The following KMT5B variants were observed in gnomAD, a reference collection of about 807,000 sequenced individuals.
The protein encoded by KMT5B is lysine methyltransferase 5B.
KMT5B carries 10 observed loss-of-function variants against 83.2 expected under a neutral mutation model. The ratio of observed to expected loss-of-function variants is 0.12; its 90% confidence interval spans 0.07 to 0.20. KMT5B has a LOEUF of 0.20. Among genes scored for constraint, KMT5B ranks in the 10% least tolerant of loss-of-function variants. The pLI is 1.00. For synonymous variants in KMT5B, 349 were observed against 388.8 expected, an observed-to-expected ratio of 0.90 and a Z score of 1.20; for missense variants, 753 against 1,067.2, an observed-to-expected ratio of 0.71 and a Z score of 4.10.
At chr11:68,195,914 T>C (rs1487404128) in intron 1 of KMT5B, among the ~76,000 whole-genome samples, 1 of 152,224 alleles carries the variant, frequency 6.6e-6, no homozygotes, top group East Asian at 1.9e-4. Context: ...CCCAACACTT[T>C]GGGAGGCCCA....
rs951688852 is a variant in KMT5B, at chr11:68,155,755, G to C, written c.*1933C>G. On this transcript the variant is annotated 3_prime_UTR_variant, in exon 11 of 11. Coordinates refer to ENST00000304363, the MANE Select transcript of KMT5B (RefSeq NM_017635.5). ...CCGGGTGCCTCGGACAGGTGCTCCT[G>C]AGAGGCTGTGTGGGCTGCCCTACTT... is the stretch of plus-strand genomic sequence containing the variant. 1 of 152,320 alleles carries C rather than the reference G, an allele frequency of 6.6e-6. No homozygotes were observed. Among genetic ancestry groups the C allele is most frequent in the African/African-American group, 2.4e-5 (1 of 41,438 alleles). 9.4% of individuals were successfully genotyped at this position (152,320 alleles called of 1,614,324 possible).
chr11:68,212,777 G>A (rs183542761), intron 1 of KMT5B: 287 of 152,356 alleles, frequency 1.9e-3, no homozygotes, highest in Non-Finnish European at 3.1e-3. Flanking sequence ...AGTGGGAGCA[G>A]ATTGGGCGAG....
intron 1 of KMT5B, among the ~76,000 whole-genome samples, chr11:68,205,900 G>C (rs922553306): frequency 6.6e-6 from 1 of 152,140 alleles, no homozygotes; most frequent in Non-Finnish European, 1.5e-5. Flanking sequence ...GATTACAGGC[G>C]TGAGCCACCG....
chr11:68,185,888 T>C lies in KMT5B; in HGVS notation c.201A>G (p.Val67=), dbSNP rs751486150. Residue 67 remains valine (V), a synonymous_variant, in exon 3 of 11, where the codon GTA becomes GTG. Transcript: ENST00000304363. Reference sequence around the variant, plus strand: ...CCTTGGCGGACATTCCAGAGGATGGTACATAGCGACTCTGTCCTTCAAATC... The same window carrying C: ...CCTTGGCGGACATTCCAGAGGATGGCACATAGCGACTCTGTCCTTCAAATC... ...NSGFEGQSRY[V]PSSGMSAKEL... The C allele has an allele frequency of 1.9e-6, 3 of 1,613,280 alleles. No homozygotes were observed. The highest frequency in any genetic ancestry group is 2.5e-6 in the Non-Finnish European group (3 of 1,179,630).
At chr11:68,180,352 G>T (rs530374859) in intron 3 of KMT5B, 152 bp from the exon 4 acceptor site, 2 of 994,284 alleles carry the variant, frequency 2.0e-6, no homozygotes, top group Non-Finnish European at 2.9e-6. Flanking sequence ...GGTGGGCGCG[G>T]CAGGATAGAA....
At position 68,158,989 on chromosome 11, in the gene KMT5B, T is replaced by C; in HGVS notation, c.1357A>G (p.Lys453Glu). Residue 453 changes from lysine to glutamate, a missense_variant, in exon 11 of 11, where the codon AAA becomes GAA. By Grantham distance (56) the Lys-to-Glu change is moderately conservative (BLOSUM62 1). Coordinates refer to ENST00000304363, the MANE Select transcript of KMT5B (RefSeq NM_017635.5). ...KPAKPLLSKI[K>E]LRNHCKRLEQ... ...AGCCGCTTGCAATGATTTCTCAATTTTATCTTTGAAAGTAAAGGCTTTGCA... is the reference window on the plus strand; with the variant it reads ...AGCCGCTTGCAATGATTTCTCAATTCTATCTTTGAAAGTAAAGGCTTTGCA... 1 of 1,611,746 alleles carries C rather than the reference T, an allele frequency of 6.2e-7. No individual in the cohort carries two copies. Among genetic ancestry groups the C allele is most frequent in the Non-Finnish European group, 8.5e-7 (1 of 1,179,514 alleles).
At chr11:68,159,936 G>A (rs1854710670) in intron 10 of KMT5B, among the ~76,000 whole-genome samples, 1 of 152,180 alleles carries the variant, frequency 6.6e-6, no homozygotes, top group South Asian at 2.1e-4. Flanking sequence ...ACACTCTCAG[G>A]ACAAAGGGAG....
intron 1 of KMT5B, among the ~76,000 whole-genome samples, chr11:68,194,110 A>G (rs1423359904): frequency 7.9e-5 from 12 of 152,096 alleles, no homozygotes; most frequent in Non-Finnish European, 1.3e-4. Flanking sequence ...AACCCATGGA[A>G]CAGTAATAGA....
chr11:68,169,135 C>T (rs551558780), intron 9 of KMT5B, among the ~76,000 whole-genome samples: 1 of 152,328 alleles, frequency 6.6e-6, no homozygotes, highest in African/African-American at 2.4e-5. Flanking sequence ...GACTTACACA[C>T]GTTTCTATCT....
At chr11:68,202,098 T>A (rs1859514802) in intron 1 of KMT5B, among the ~76,000 whole-genome samples, 1 of 152,020 alleles carries the variant, frequency 6.6e-6, no homozygotes, top group Non-Finnish European at 1.5e-5. Context: ...TTCTAGCCTG[T>A]TAGAGGACTT....
intron 1 of KMT5B, among the ~76,000 whole-genome samples, chr11:68,209,990 C>A (rs1340520189): frequency 6.6e-6 from 1 of 152,044 alleles, no homozygotes; most frequent in Non-Finnish European, 1.5e-5. Context: ...CCTCAACCTC[C>A]GGAGTAGCTG....
At chr11:68,194,833 T>C (rs1591036612) in intron 1 of KMT5B, among the ~76,000 whole-genome samples, 1 of 152,218 alleles carries the variant, frequency 6.6e-6, no homozygotes, top group Admixed American at 6.5e-5. Context: ...CTTGGCATGA[T>C]AAATTTAGAA....
intron 1 of KMT5B, among the ~76,000 whole-genome samples, chr11:68,200,310 G>C (rs1027453176): frequency 3.3e-5 from 5 of 152,190 alleles, no homozygotes; most frequent in Non-Finnish European, 5.9e-5. Context: ...AGCAGAGCCA[G>C]GCATGACAGG....
At chr11:68,204,592 G>A (rs947840357) in intron 1 of KMT5B, among the ~76,000 whole-genome samples, 7 of 149,844 alleles carry the variant, frequency 4.7e-5, no homozygotes, top group Admixed American at 6.7e-5. Context: ...CTCGAAAACC[G>A]TGAGAGAATA....
intron 10 of KMT5B, among the ~76,000 whole-genome samples, chr11:68,162,429 C>T (rs553360999): frequency 6.6e-6 from 1 of 152,324 alleles, no homozygotes; most frequent in South Asian, 2.1e-4. Context: ...GAATAGGCTT[C>T]ACTTGGCCAA....
intron 2 of KMT5B, among the ~76,000 whole-genome samples, chr11:68,186,438 G>A (rs1857444961): frequency 6.6e-6 from 1 of 152,208 alleles, no homozygotes; most frequent in African/African-American, 2.4e-5. Flanking sequence ...TCCCCACTTT[G>A]CAGGCAACTG....
At chr11:68,205,468 C>T (rs562827738) in intron 1 of KMT5B, among the ~76,000 whole-genome samples, 18 of 152,178 alleles carry the variant, frequency 1.2e-4, no homozygotes, top group Non-Finnish European at 2.2e-4. Flanking sequence ...GCCAGATAAC[C>T]ATGATCTTCC....
At chr11:68,200,972 A>G (rs1859364046) in intron 1 of KMT5B, among the ~76,000 whole-genome samples, 1 of 152,256 alleles carries the variant, frequency 6.6e-6, no homozygotes, top group Non-Finnish European at 1.5e-5. Context: ...TGGGAAAAGA[A>G]GCACTTACTA....
At position 68,157,858 on chromosome 11, in the gene KMT5B, A is replaced by T; in HGVS notation, c.2488T>A (p.Ser830Thr). ...TCCTCTTCATCGCCCTCAGAAGAGG[A>T]GGAATCATCTGTACTTTCTTCCTCA... ...QYEEESTDDS[S>T]SSEGDEEEDD... is the part of the protein sequence containing the mutation. The change falls in exon 11 of 11, where the codon TCC (serine) becomes ACC (threonine). Residue 830 changes from serine (S) to threonine (T), a missense_variant. Physicochemically the swap from Ser to Thr is moderately conservative, Grantham distance 58. Transcript: ENST00000304363. 1 of 1,614,076 alleles carries T rather than the reference A, an allele frequency of 6.2e-7. No homozygotes were observed. Among genetic ancestry groups the T allele is most frequent in the South Asian group, 1.1e-5 (1 of 91,046 alleles).
Sources: gnomAD v4.1 joint callset for allele counts (sites outside exome capture counted in the v4.1 genomes callset) on GRCh38, gnomAD v4.1.1 for gene constraint, MANE v1.5 for transcripts, NCBI Gene and HGNC (gene_info 2026-07-23, HGNC 2026-07-21) for gene names.